Variants in HDAC9 observed in about 807,000 individuals in gnomAD.
HDAC9 encodes the protein histone deacetylase 9.
In HDAC9, 41 loss-of-function variants were observed where a neutral mutation model predicts 139.4. The observed-to-expected ratio is 0.29, with a 90% confidence interval of 0.23 to 0.38. The LOEUF (loss-of-function observed/expected upper bound fraction) is 0.38. Ranked by LOEUF, HDAC9 falls within the 10% of genes least tolerant of loss-of-function variation. The pLI, the probability that HDAC9 is intolerant of heterozygous loss-of-function variation, is 1.00. For missense variants in HDAC9, 1,147 were observed against 1,297.0 expected, an observed-to-expected ratio of 0.88 and a Z score of 1.78; for synonymous variants, 517 against 476.2, an observed-to-expected ratio of 1.09 and a Z score of -1.12.
chr7:18,467,736 C>G (rs12537137), intron 1 of HDAC9, among the ~76,000 whole-genome samples: 1,773 of 152,252 alleles, frequency 0.012, 13 homozygotes, highest in Admixed American at 0.018. Flanking sequence ...AACCAGAGAA[C>G]CCACGTTGGC....
At chr7:18,424,928 T>A (rs2128755037) in intron 1 of HDAC9, among the ~76,000 whole-genome samples, 1 of 152,264 alleles carries the variant, frequency 6.6e-6, no homozygotes, top group Non-Finnish European at 1.5e-5. Flanking sequence ...ATTAAAATAA[T>A]AGTAATAAGA....
chr7:18,162,940 A>G (rs1321823879), intron 2 of HDAC9, among the ~76,000 whole-genome samples: 1 of 152,142 alleles, frequency 6.6e-6, no homozygotes, highest in East Asian at 1.9e-4. Context: ...ACAGGCTGTC[A>G]TTTTTGGAGC....
intron 1 of HDAC9, among the ~76,000 whole-genome samples, chr7:18,157,580 A>G (rs1014459019): frequency 1.3e-5 from 2 of 152,222 alleles, no homozygotes; most frequent in African/African-American, 2.4e-5. Flanking sequence ...GAGGATTCAG[A>G]TAAGAAAGAT....
rs138152200 is a variant in HDAC9, at chr7:18,858,186, C to T, written c.2685-16292C>T. ...AGCTAGCTATCTGTGCATATGGATC[C>T]ACATGGTTGCATATTTGGAAAAATG... On this transcript the variant is annotated intron_variant, in intron 21 of 25. Transcript: ENST00000686413. 3.9e-5 allele frequency among the ~76,000 whole-genome samples: 6 copies of T among 152,182 alleles called. No individual in the cohort carries two copies. In the East Asian group the frequency reaches 7.7e-4, roughly 20 times the overall value.
At chr7:18,378,453 A>G (rs960328331) in intron 1 of HDAC9, among the ~76,000 whole-genome samples, 1 of 152,122 alleles carries the variant, frequency 6.6e-6, no homozygotes, top group African/African-American at 2.4e-5. Flanking sequence ...ATATTACAGT[A>G]TAGCTTTTTC....
chr7:18,304,942 A>T (rs1798812223), intron 1 of HDAC9, among the ~76,000 whole-genome samples: 2 of 133,618 alleles, frequency 1.5e-5, no homozygotes, highest in Admixed American at 9.3e-5. Context: ...AATCCTTCCT[A>T]ACACATCCAG....
At position 18,849,201 on chromosome 7, in the gene HDAC9, A is replaced by G. The variant is rs143749671; in HGVS notation, c.2684+13204A>G. ...TAAGTACATTATATTACATGTCATT[A>G]TAATATTGTGTTATCACATAAACTG... On this transcript the variant is annotated intron_variant, in intron 21 of 25. Transcript: ENST00000686413. Among the ~76,000 whole-genome samples the G allele has an allele frequency of 5.7e-3, 871 of 152,320 alleles. 3 individuals are homozygous for G. Among genetic ancestry groups the G allele is most frequent in the Non-Finnish European group, 9.8e-3 (664 of 68,024 alleles).
At chr7:18,258,273 C>T (rs910579266) in intron 2 of HDAC9, among the ~76,000 whole-genome samples, 7 of 152,120 alleles carry the variant, frequency 4.6e-5, no homozygotes, top group African/African-American at 1.7e-4. Flanking sequence ...GGGTGAAGCA[C>T]TGGGTTAAAT....
intron 1 of HDAC9, among the ~76,000 whole-genome samples, chr7:18,321,382 T>C (rs892804131): frequency 6.6e-6 from 1 of 152,200 alleles, no homozygotes; most frequent in Non-Finnish European, 1.5e-5. Context: ...CCATATTCCA[T>C]GTACCACACA....
intron 25 of HDAC9, among the ~76,000 whole-genome samples, chr7:18,982,418 A>G (rs1034186706): frequency 6.6e-6 from 1 of 152,126 alleles, no homozygotes; most frequent in African/African-American, 2.4e-5. Flanking sequence ...ACTCATACCT[A>G]TAATTCCTGC....
chr7:18,346,537 A>T (rs1257780634), intron 1 of HDAC9, among the ~76,000 whole-genome samples: 1 of 152,108 alleles, frequency 6.6e-6, no homozygotes, highest in African/African-American at 2.4e-5. Context: ...GGAATTATTT[A>T]CCTTAGATTG....
intron 1 of HDAC9, among the ~76,000 whole-genome samples, chr7:18,331,723 C>T (rs568164947): frequency 2.6e-4 from 39 of 151,678 alleles, no homozygotes; most frequent in African/African-American, 6.3e-4. Context: ...CTACCTTATT[C>T]GAGGTGATGA....
At chr7:18,279,283 A>C (rs1297102914) in intron 2 of HDAC9, among the ~76,000 whole-genome samples, 1 of 152,028 alleles carries the variant, frequency 6.6e-6, no homozygotes, top group Non-Finnish European at 1.5e-5. Flanking sequence ...CTTTTCCACC[A>C]CCAATTTTAT....
At chr7:18,256,583 A>G (rs773915609) in intron 2 of HDAC9, among the ~76,000 whole-genome samples, 1 of 152,226 alleles carries the variant, frequency 6.6e-6, no homozygotes, top group Non-Finnish European at 1.5e-5. Flanking sequence ...AATGGGAACA[A>G]TCATAAGGAA....
intron 12 of HDAC9, among the ~76,000 whole-genome samples, chr7:18,681,132 T>A (rs1781861213): frequency 6.6e-6 from 1 of 152,060 alleles, no homozygotes; most frequent in Non-Finnish European, 1.5e-5. Flanking sequence ...TGACAAACTG[T>A]CATTCTAATT....
intron 21 of HDAC9, among the ~76,000 whole-genome samples, chr7:18,855,526 T>C (rs1404624218): frequency 1.3e-5 from 2 of 151,960 alleles, no homozygotes; most frequent in South Asian, 2.1e-4. Flanking sequence ...TTGAGAACAC[T>C]GTTCACAGTT....
chr7:18,125,421 A>G (rs915025360), intron 1 of HDAC9, among the ~76,000 whole-genome samples: 1 of 130,216 alleles, frequency 7.7e-6, no homozygotes, highest in African/African-American at 2.8e-5. Flanking sequence ...ACACTAACAC[A>G]TATATATATG....
At chr7:18,175,167 A>G (rs1788786086) in intron 2 of HDAC9, among the ~76,000 whole-genome samples, 1 of 152,124 alleles carries the variant, frequency 6.6e-6, no homozygotes, top group Non-Finnish European at 1.5e-5. Context: ...GCAGTGGCGG[A>G]CACCCCTCCC....
chr7:18,759,129 G>C (rs907507684), intron 14 of HDAC9, among the ~76,000 whole-genome samples: 21 of 152,210 alleles, frequency 1.4e-4, no homozygotes, highest in African/African-American at 4.8e-4. Flanking sequence ...GTCAATGCTA[G>C]ATAGCTGGGC....
Sources: gnomAD v4.1 joint callset for allele counts (sites outside exome capture counted in the v4.1 genomes callset) on GRCh38, gnomAD v4.1.1 for gene constraint, MANE v1.5 for transcripts, NCBI Gene and HGNC (gene_info 2026-07-23, HGNC 2026-07-21) for gene names.